TRIM2: variants seen among roughly 807,000 people sequenced by gnomAD.
The protein encoded by TRIM2 is tripartite motif-containing protein 2.
A neutral mutation model predicts 75.2 loss-of-function variants in TRIM2; 20 were observed. That is an observed-to-expected ratio of 0.27 (90% CI 0.19 to 0.39). The LOEUF is 0.39. Among genes scored for constraint, TRIM2 ranks in the 10% least tolerant of loss-of-function variants. The probability of loss-of-function intolerance (pLI) is 1.00; values close to 1 mark genes in which losing one functional copy is unlikely to be tolerated. For missense variants in TRIM2, 660 were observed against 990.8 expected (o/e 0.67, Z 4.48); for synonymous variants, 373 against 388.3 (o/e 0.96, Z 0.46).
At chr4:153,314,255 C>T (rs1414161704) in intron 6 of TRIM2, among the ~76,000 whole-genome samples, 2 of 144,492 alleles carry the variant, frequency 1.4e-5, no homozygotes, top group South Asian at 2.1e-4. Flanking sequence ...CCTGTCTCTA[C>T]TAAAAATACA....
At chr4:153,266,040 G>A (rs1754948464) in intron 1 of TRIM2, among the ~76,000 whole-genome samples, 1 of 152,198 alleles carries the variant, frequency 6.6e-6, no homozygotes, top group Non-Finnish European at 1.5e-5. Flanking sequence ...ACACTCTATG[G>A]AAAGTCTAGC....
intron 1 of TRIM2, among the ~76,000 whole-genome samples, chr4:153,262,703 C>G (rs1195647250): frequency 6.6e-5 from 10 of 152,040 alleles, no homozygotes; most frequent in Non-Finnish European, 1.5e-5. Context: ...TAGTTTTGAT[C>G]CTGAGCAAGG....
upstream of TRIM2, among the ~76,000 whole-genome samples, chr4:153,200,573 A>G (rs1734230223): frequency 6.6e-6 from 1 of 152,006 alleles, no homozygotes; most frequent in Non-Finnish European, 1.5e-5. Context: ...GCTTGCTCAT[A>G]TGGTAATTCT....
At chr4:153,329,146 C>T (rs979600920) in intron 11 of TRIM2, among the ~76,000 whole-genome samples, 3 of 151,880 alleles carry the variant, frequency 2.0e-5, no homozygotes, top group South Asian at 2.1e-4. Flanking sequence ...ATTATTAGAC[C>T]CATTACTATT....
intron 2 of TRIM2, among the ~76,000 whole-genome samples, chr4:153,273,268 C>CTG (rs1757181547): frequency 1.1e-5 from 1 of 94,510 alleles, no homozygotes; most frequent in Non-Finnish European, 2.2e-5. Context: ...CTTACAGTCA[C>CTG]TCTTTTTTTT....
chr4:153,155,912 A>C (rs1729189056), intron 1 of TRIM2, among the ~76,000 whole-genome samples: 1 of 152,210 alleles, frequency 6.6e-6, no homozygotes, highest in African/African-American at 2.4e-5. Context: ...ATAGATATCC[A>C]AGGAGGGCCA....
chr4:153,195,281 G>A (rs1330237574), intron 1 of TRIM2, among the ~76,000 whole-genome samples: 1 of 152,120 alleles, frequency 6.6e-6, no homozygotes, highest in Admixed American at 6.5e-5. Flanking sequence ...CACTTTGGGA[G>A]GCTGAGGCAG....
chr4:153,283,284 C>G (rs373172787), intron 3 of TRIM2, among the ~76,000 whole-genome samples: 30 of 152,278 alleles, frequency 2.0e-4, no homozygotes, highest in African/African-American at 7.2e-4. Context: ...TTGCCACTTA[C>G]GGACATTTGA....
Position 153,331,901 on chromosome 4 carries a change from T to G in TRIM2, c.2164-2913T>G, listed in dbSNP as rs553230400. On this transcript the variant is annotated intron_variant, in intron 11 of 11. Transcript: ENST00000338700. Reference sequence around the variant, plus strand: ...CAAAAGCAATTCAATGGAGGAATGATGGCCTTTTCAACAAATGGGACTGGA... The same window carrying G: ...CAAAAGCAATTCAATGGAGGAATGAGGGCCTTTTCAACAAATGGGACTGGA... Among the ~76,000 whole-genome samples, 11 of 152,278 alleles carry G rather than the reference T, an allele frequency of 7.2e-5. No individual in the cohort carries two copies. The East Asian group carries it at 9.6e-4, about 13-fold the overall frequency.
At position 153,338,252 on chromosome 4, in the gene TRIM2, T is replaced by A; in HGVS notation, c.*3286T>A. The A allele has an allele frequency of 1.0e-6, 1 of 985,858 alleles. No homozygotes were observed. The highest frequency in any genetic ancestry group is 1.2e-6 in the Non-Finnish European group (1 of 829,906). 61.1% of individuals were successfully genotyped at this position (985,858 alleles called of 1,614,324 possible). ...TTAACAGAAATGCTTTGGTAATACCTACTTAGTTAATTGGAGGAAGTAGTA... is the reference window on the plus strand; with the variant it reads ...TTAACAGAAATGCTTTGGTAATACCAACTTAGTTAATTGGAGGAAGTAGTA... On this transcript the variant is annotated 3_prime_UTR_variant, in exon 12 of 12. Coordinates refer to ENST00000338700, the MANE Select transcript of TRIM2 (RefSeq NM_015271.5).
chr4:153,224,238 G>T (rs997751057), intron 1 of TRIM2, among the ~76,000 whole-genome samples: 3 of 152,182 alleles, frequency 2.0e-5, no homozygotes, highest in African/African-American at 7.2e-5. Flanking sequence ...TAAATTCTTT[G>T]TGATACACAT....
intron 6 of TRIM2, among the ~76,000 whole-genome samples, chr4:153,314,493 G>C: frequency 6.7e-6 from 1 of 149,702 alleles, no homozygotes; most frequent in Non-Finnish European, 1.5e-5. Flanking sequence ...TGTACCTATA[G>C]TTCCAACTAG....
intron 3 of TRIM2, among the ~76,000 whole-genome samples, chr4:153,285,300 A>G (rs962943201): frequency 1.3e-5 from 2 of 152,284 alleles, no homozygotes; most frequent in Non-Finnish European, 2.9e-5. Flanking sequence ...CTATATGCCT[A>G]TTCTCATGCC....
chr4:153,197,473 C>T (rs1475827093), intron 1 of TRIM2, among the ~76,000 whole-genome samples: 1 of 152,130 alleles, frequency 6.6e-6, no homozygotes, highest in African/African-American at 2.4e-5. Context: ...TTGTGTCCTC[C>T]CTTAATCCAT....
At chr4:153,152,329 G>C (rs992396619), upstream of TRIM2, 1 of 151,680 alleles carries the variant, frequency 6.6e-6, no homozygotes, top group Non-Finnish European at 1.5e-5. Context: ...GGGCGGAGTC[G>C]GGGCACTCGG....
At chr4:153,187,848 G>A (rs999080241) in intron 1 of TRIM2, among the ~76,000 whole-genome samples, 1 of 152,182 alleles carries the variant, frequency 6.6e-6, no homozygotes, top group Admixed American at 6.5e-5. Flanking sequence ...CCCCACACAA[G>A]CTTTCCTGGA....
rs867042400 is a variant in TRIM2, at chr4:153,338,487, G to A, written c.*3521G>A. 22 of 985,186 alleles carry A rather than the reference G, an allele frequency of 2.2e-5. No individual in the cohort carries two copies. Among genetic ancestry groups the A allele is most frequent in the Non-Finnish European group, 2.5e-5 (21 of 829,694 alleles). The allele number at this position is 985,186 out of a possible 1,614,324, so 61.0% of individuals were successfully genotyped here. A position where few individuals can be genotyped will look rare whatever the true frequency, so the allele number is the denominator to read the frequency against. ...CTAATTTAGCTTAAAAGTGAAAGTG[G>A]TAATACTGTTGGTTTCTGTAAATGT... On this transcript the variant is annotated 3_prime_UTR_variant, in exon 12 of 12. Coordinates refer to ENST00000338700, the MANE Select transcript of TRIM2 (RefSeq NM_015271.5).
chr4:153,322,530 T>C lies in TRIM2; in HGVS notation c.1783-118T>C, dbSNP rs987576415. ...GTTCATTGTGATATATGAGTAGCTG[T>C]GTACCCGTTTGAACCTTCAGGTAAA... On this transcript the variant is annotated intron_variant, in intron 8 of 11. Coordinates refer to ENST00000338700, the MANE Select transcript of TRIM2 (RefSeq NM_015271.5). 2.7e-6 allele frequency: 3 copies of C among 1,102,220 alleles called. No homozygotes were observed. The African/African-American group carries it at 4.7e-5, about 17-fold the overall frequency. 68.3% of individuals were successfully genotyped at this position (1,102,220 alleles called of 1,614,324 possible).
At chr4:153,273,885 G>T (rs1757453216) in intron 2 of TRIM2, among the ~76,000 whole-genome samples, 1 of 152,186 alleles carries the variant, frequency 6.6e-6, no homozygotes, top group Admixed American at 6.5e-5. Context: ...CTAAACAAAG[G>T]GGAGTGAATA....
Sources: gnomAD v4.1 joint callset for allele counts (sites outside exome capture counted in the v4.1 genomes callset) on GRCh38, gnomAD v4.1.1 for gene constraint, MANE v1.5 for transcripts, NCBI Gene and HGNC (gene_info 2026-07-23, HGNC 2026-07-21) for gene names.